Variants in SUGCT observed in about 807,000 individuals in gnomAD.
SUGCT encodes the protein succinyl-CoA:glutarate-CoA transferase, also known as succinyl-CoA:glutarate CoA-transferase.
SUGCT carries 41 observed loss-of-function variants against 55.0 expected under a neutral mutation model. The ratio of observed to expected loss-of-function variants is 0.74; its 90% CI spans 0.58 to 0.97. The LOEUF (loss-of-function observed/expected upper bound fraction) is 0.97. Among genes scored for constraint, SUGCT ranks in the 50% least tolerant of loss-of-function variants. SUGCT has a pLI of 0.00. For missense variants in SUGCT, 568 were observed against 547.8 expected (o/e 1.04, Z -0.37); for synonymous variants, 187 against 200.4 (o/e 0.93, Z 0.56).
intron 9 of SUGCT, among the ~76,000 whole-genome samples, chr7:40,377,174 C>CT (rs1368180124): frequency 6.5e-5 from 1 of 15,482 alleles, no homozygotes; most frequent in Non-Finnish European, 3.1e-4. Flanking sequence ...TTCTTTCTTT[C>CT]TTTCTTTCTT....
intron 8 of SUGCT, among the ~76,000 whole-genome samples, chr7:40,312,933 A>G (rs1227254098): frequency 2.0e-5 from 3 of 152,208 alleles, no homozygotes; most frequent in East Asian, 3.9e-4. Context: ...CCTTTTGGAG[A>G]TGAAAGATTG....
intron 13 of SUGCT, among the ~76,000 whole-genome samples, chr7:40,761,867 T>C (rs936889032): frequency 2.6e-5 from 4 of 152,184 alleles, no homozygotes; most frequent in African/African-American, 9.7e-5. Flanking sequence ...GGTCAGGATT[T>C]TCTTTTGTTT....
In SUGCT at chr7:40,449,324, C is replaced by T; in HGVS notation, c.854C>T (p.Ala285Val). Residue 285 changes from alanine (A) to valine (V), a missense_variant, in exon 10 of 14, where the codon GCA becomes GTA. Transcript: ENST00000335693. ...AAGGATGGCTATATTGTAGTTGGAG[C>T]AGGAAATAACCAGCAGTTTGCCACC... The part of the protein sequence containing the change: ...KTKDGYIVVG[A>V]GNNQQFATVC... The T allele has an allele frequency of 6.2e-7, 1 of 1,612,138 alleles. No individual in the cohort carries two copies. Among genetic ancestry groups the T allele is most frequent in the Non-Finnish European group, 8.5e-7 (1 of 1,178,680 alleles).
At chr7:40,167,017 C>G (rs918817133) in intron 1 of SUGCT, among the ~76,000 whole-genome samples, 2 of 152,134 alleles carry the variant, frequency 1.3e-5, no homozygotes, top group African/African-American at 4.8e-5. Context: ...ATGCACTTAC[C>G]ATATAACTCA....
chr7:40,276,829 CTGTCTG>C, intron 8 of SUGCT, among the ~76,000 whole-genome samples: 1 of 151,484 alleles, frequency 6.6e-6, no homozygotes, highest in Admixed American at 6.6e-5. Context: ...GTCTGTCTGT[CTGTCTG>C]TGTCTGTGTC....
chr7:40,765,527 TAAC>T (rs1788742528), intron 13 of SUGCT, among the ~76,000 whole-genome samples: 1 of 150,212 alleles, frequency 6.7e-6, no homozygotes, highest in African/African-American at 2.4e-5. Flanking sequence ...AAATAAAAAA[TAAC>T]GAACTATTAT....
At chr7:40,443,580 T>C (rs923019672) in intron 9 of SUGCT, among the ~76,000 whole-genome samples, 1 of 152,240 alleles carries the variant, frequency 6.6e-6, no homozygotes, top group African/African-American at 2.4e-5. Flanking sequence ...TTTGATTTTT[T>C]CTTGTAAATT....
chr7:40,943,614 C>T, the SUGCT span, among the ~76,000 whole-genome samples: 2 of 150,394 alleles, frequency 1.3e-5, no homozygotes, highest in Non-Finnish European at 3.0e-5. Flanking sequence ...ATGAACTCAT[C>T]ATTTTTTATG....
At chr7:40,407,319 A>G (rs1482836987) in intron 9 of SUGCT, among the ~76,000 whole-genome samples, 1 of 152,206 alleles carries the variant, frequency 6.6e-6, no homozygotes, top group East Asian at 1.9e-4. Context: ...GGCTTTTAGT[A>G]TTTAAGCATA....
chr7:40,362,975 AC>A (rs1798228163), intron 9 of SUGCT, among the ~76,000 whole-genome samples: 1 of 152,072 alleles, frequency 6.6e-6, no homozygotes, highest in South Asian at 2.1e-4. Context: ...CCAAATAACA[AC>A]CCATTTTTAA....
chr7:40,160,217 A>C (rs1038360375), intron 1 of SUGCT, among the ~76,000 whole-genome samples: 6 of 152,122 alleles, frequency 3.9e-5, no homozygotes, highest in African/African-American at 1.4e-4. Context: ...CAAAGGCAGA[A>C]ACCATAAAAT....
rs1417403326 is a variant in SUGCT, at chr7:40,533,967, A to G, written c.1089+37581A>G. Among the ~76,000 whole-genome samples the G allele has an allele frequency of 2.6e-5, 4 of 152,182 alleles. No homozygotes were observed. In the South Asian group the frequency reaches 8.3e-4, roughly 31 times the overall value. ...TTAATTGCCATTTTCTCTGAAAACT[A>G]TCACTGCTACATCCAAAAGACATAT... On this transcript the variant is annotated intron_variant, in intron 12 of 13. Transcript: ENST00000335693.
Position 40,547,480 on chromosome 7 carries a change from A to C in SUGCT, c.1089+51094A>C, listed in dbSNP as rs550028481. On this transcript the variant is annotated intron_variant, in intron 12 of 13. Coordinates refer to ENST00000335693, the MANE Select transcript of SUGCT (RefSeq NM_001193313.2). ...TTAAGTAGAGTGTTTTATTTATTTC[A>C]AAACTTTTTTATGGACTTAATCTTA... 2.2e-4 allele frequency among the ~76,000 whole-genome samples: 34 copies of C among 152,300 alleles called. 1 individual carries two copies. In the South Asian group the frequency reaches 5.4e-3, roughly 24 times the overall value.
At position 40,732,023 on chromosome 7, in the gene SUGCT, A is replaced by G. The variant is rs548428427; in HGVS notation, c.1090-17411A>G. ...GAGGATATATCTTGGGAGCTAGGAT[A>G]CAGTTTGTTTTAGGGCTGCTGTAAC... On this transcript the variant is annotated intron_variant, in intron 12 of 13. Transcript: ENST00000335693. 3.9e-5 allele frequency among the ~76,000 whole-genome samples: 6 copies of G among 152,334 alleles called. No homozygotes were observed. In the East Asian group the frequency reaches 1.2e-3, roughly 29 times the overall value.
chr7:40,691,717 C>A (rs1034610901), intron 12 of SUGCT, among the ~76,000 whole-genome samples: 1 of 152,126 alleles, frequency 6.6e-6, no homozygotes, highest in Non-Finnish European at 1.5e-5. Context: ...GGATGTCTTT[C>A]TTTCTTAGAG....
chr7:40,262,769 T>C lies in SUGCT; in HGVS notation c.577-11744T>C, dbSNP rs117975982. Among the ~76,000 whole-genome samples the C allele has an allele frequency of 5.7e-3, 871 of 152,254 alleles. 1 individual carries two copies. The highest frequency in any genetic ancestry group is 0.012 in the Admixed American group (184 of 15,282). On this transcript the variant is annotated intron_variant, in intron 7 of 13. Coordinates refer to ENST00000335693, the MANE Select transcript of SUGCT (RefSeq NM_001193313.2). ...ATTTAAAATTTTTGCTCTTTAGTGATTGTCTGAAAAGGAAAGATGAGGAAT... is the reference window on the plus strand; with the variant it reads ...ATTTAAAATTTTTGCTCTTTAGTGACTGTCTGAAAAGGAAAGATGAGGAAT...
chr7:40,333,240 C>T (rs1002100508), intron 9 of SUGCT, among the ~76,000 whole-genome samples: 2 of 151,910 alleles, frequency 1.3e-5, no homozygotes, highest in African/African-American at 4.8e-5. Flanking sequence ...ATGATGAAAA[C>T]AGATTGAATA....
At chr7:40,943,278 T>C in the SUGCT span, among the ~76,000 whole-genome samples, 1 of 151,020 alleles carries the variant, frequency 6.6e-6, no homozygotes, top group Non-Finnish European at 1.5e-5. Context: ...TTTATTATTA[T>C]TATTATTATT....
At chr7:40,828,436 A>C (rs1390757258) in intron 13 of SUGCT, among the ~76,000 whole-genome samples, 1 of 152,176 alleles carries the variant, frequency 6.6e-6, no homozygotes, top group Non-Finnish European at 1.5e-5. Context: ...GGAATGAAAA[A>C]GAGCAGGGGA....
Sources: allele counts gnomAD v4.1 joint callset (sites outside exome capture counted in the v4.1 genomes callset), GRCh38; gene constraint gnomAD v4.1.1; transcripts MANE v1.5; gene names NCBI Gene and HGNC (gene_info 2026-07-23, HGNC 2026-07-21).